The following IL1RAPL1 variants were observed in gnomAD, a reference collection of about 807,000 sequenced individuals.
The protein encoded by IL1RAPL1 is interleukin 1 receptor accessory protein like 1, also known as interleukin-1 receptor accessory protein-like 1.
In IL1RAPL1, 3 loss-of-function variants were observed where a neutral mutation model predicts 48.4. The ratio of observed to expected loss-of-function variants is 0.06; its 90% CI spans 0.03 to 0.16. The LOEUF is 0.16. Among genes scored for constraint, IL1RAPL1 ranks in the 10% least tolerant of loss-of-function variants. The pLI, the probability that IL1RAPL1 is intolerant of heterozygous loss-of-function variation, is 1.00. For synonymous variants in IL1RAPL1, 185 were observed against 187.7 expected, an observed-to-expected ratio of 0.99 and a Z score of 0.12; for missense variants, 349 against 530.6, an observed-to-expected ratio of 0.66 and a Z score of 3.36.
intron 2 of IL1RAPL1, among the ~76,000 whole-genome samples, chrX:29,265,841 T>C (rs1265902671): frequency 4.6e-5 from 5 of 109,889 alleles, no homozygotes; most frequent in Non-Finnish European, 7.6e-5. Context: ...ATGGTGTATA[T>C]GTGCCACCAT....
intron 5 of IL1RAPL1, among the ~76,000 whole-genome samples, chrX:29,614,931 T>C (rs1248669510): frequency 9.5e-6 from 1 of 105,665 alleles, no homozygotes; most frequent in Non-Finnish European, 1.9e-5. Flanking sequence ...CTGCACTCCA[T>C]CCAGCCTGAG....
intron 2 of IL1RAPL1, among the ~76,000 whole-genome samples, chrX:28,914,679 G>T (rs1208352702): frequency 1.8e-5 from 2 of 111,570 alleles, no homozygotes; most frequent in African/African-American, 6.5e-5. Context: ...AAAACACTTT[G>T]CAAATACTGA....
chrX:29,128,322 T>C (rs1217240992), intron 2 of IL1RAPL1, among the ~76,000 whole-genome samples: 1 of 111,151 alleles, frequency 9.0e-6, no homozygotes, highest in Non-Finnish European at 1.9e-5. Context: ...TCTCCTCCTT[T>C]CCCAGCCTCA....
intron 3 of IL1RAPL1, among the ~76,000 whole-genome samples, chrX:29,381,926 C>A (rs1487458394): frequency 9.8e-6 from 1 of 102,411 alleles, no homozygotes; most frequent in African/African-American, 3.7e-5. Context: ...ACATCAGTAA[C>A]CACAAAGTCA....
intron 6 of IL1RAPL1, among the ~76,000 whole-genome samples, chrX:29,877,187 A>G (rs767278629): frequency 8.9e-6 from 1 of 111,899 alleles, no homozygotes; most frequent in South Asian, 3.7e-4. Context: ...GTAAATCTCC[A>G]TTAGCTTGAT....
In IL1RAPL1 at chrX:28,744,961, C is replaced by T. The variant is rs968815831; in HGVS notation, c.-24-44359C>T. Among the ~76,000 whole-genome samples the T allele has an allele frequency of 3.6e-5, 4 of 110,971 alleles. No individual in the cohort carries two copies. In the East Asian group the frequency reaches 8.6e-4, roughly 24 times the overall value. On this transcript the variant is annotated intron_variant, in intron 1 of 10. Transcript: ENST00000378993. ...CTTACTAGAAAATTAAACCTGGATG[C>T]TTCTTGGAAAGGATCAGAGTGCCAG...
intron 6 of IL1RAPL1, among the ~76,000 whole-genome samples, chrX:29,736,811 T>A (rs1327025918): frequency 2.7e-5 from 3 of 112,468 alleles, no homozygotes; most frequent in Non-Finnish European, 3.8e-5. Context: ...ATGAAATTGC[T>A]AAGTAGACTG....
At chrX:29,381,830 AAAAAT>A (rs1252941098) in intron 3 of IL1RAPL1, among the ~76,000 whole-genome samples, 35 of 32,597 alleles carry the variant, frequency 1.1e-3, no homozygotes, top group African/African-American at 2.6e-3. Context: ...AAAAAAAAAA[AAAAAT>A]ATATATATAT....
chrX:29,062,411 G>C lies in IL1RAPL1; in HGVS notation c.83-220527G>C, dbSNP rs773517562. Among the ~76,000 whole-genome samples, 54 of 112,465 alleles carry C rather than the reference G, an allele frequency of 4.8e-4. 1 individual carries two copies. The highest frequency in any genetic ancestry group is 1.9e-4 in the Admixed American group (2 of 10,618). ...ATAAATCAGTTAAGGAGTAATACAA[G>C]ATGTTATGCAAATAAGCACTAAAGT... is the stretch of plus-strand genomic sequence containing the variant. On this transcript the variant is annotated intron_variant, in intron 2 of 10. Coordinates refer to ENST00000378993, the MANE Select transcript of IL1RAPL1 (RefSeq NM_014271.4).
intron 2 of IL1RAPL1, among the ~76,000 whole-genome samples, chrX:28,969,215 C>T (rs1262893680): frequency 8.9e-6 from 1 of 111,894 alleles, no homozygotes; most frequent in African/African-American, 3.2e-5. Flanking sequence ...AAAAGGATTT[C>T]CAAGCTGGGG....
intron 2 of IL1RAPL1, among the ~76,000 whole-genome samples, chrX:29,169,693 CTCTTTGT>C (rs1188963663): frequency 9.0e-6 from 1 of 110,790 alleles, no homozygotes. Flanking sequence ...ACTACCAAAT[CTCTTTGT>C]TATTTGGAAA....
At chrX:28,779,242 C>G (rs1183711884) in intron 1 of IL1RAPL1, among the ~76,000 whole-genome samples, 1 of 110,769 alleles carries the variant, frequency 9.0e-6, no homozygotes, top group Non-Finnish European at 1.9e-5. Context: ...TTTTTAATGA[C>G]CTTGATTGAA....
intron 2 of IL1RAPL1, among the ~76,000 whole-genome samples, chrX:28,910,258 A>T (rs940587436): frequency 9.0e-6 from 1 of 111,395 alleles, no homozygotes; most frequent in East Asian, 2.8e-4. Flanking sequence ...AGAATCACTG[A>T]TAACTTTTGC....
chrX:28,631,483 C>T (rs1037452418), intron 1 of IL1RAPL1, among the ~76,000 whole-genome samples: 1 of 111,866 alleles, frequency 8.9e-6, no homozygotes, highest in Non-Finnish European at 1.9e-5. Flanking sequence ...GTAAAGGGTA[C>T]CAGGAGAGCA....
intron 5 of IL1RAPL1, among the ~76,000 whole-genome samples, chrX:29,540,856 T>G (rs1921415734): frequency 1.8e-5 from 2 of 112,102 alleles, no homozygotes; most frequent in South Asian, 7.4e-4. Context: ...AACACCATTC[T>G]GGACATTGGC....
intron 6 of IL1RAPL1, among the ~76,000 whole-genome samples, chrX:29,906,495 ATATATATATATATATATATATATAT>A (rs1341544970): frequency 4.4e-4 from 19 of 42,771 alleles, no homozygotes; most frequent in Non-Finnish European, 5.9e-4. Flanking sequence ...ATATATATAT[ATATATATATATATATATATATATAT>A]ATTTCTGTAG....
intron 9 of IL1RAPL1, among the ~76,000 whole-genome samples, chrX:29,942,067 G>T (rs1003279346): frequency 8.9e-6 from 1 of 112,016 alleles, no homozygotes; most frequent in Non-Finnish European, 1.9e-5. Flanking sequence ...TGATTGCAAT[G>T]CCATCAGAGT....
intron 5 of IL1RAPL1, among the ~76,000 whole-genome samples, chrX:29,497,593 T>C (rs1284701510): frequency 9.0e-6 from 1 of 111,589 alleles, no homozygotes; most frequent in Non-Finnish European, 1.9e-5. Context: ...TAACTTGAAT[T>C]CATTTTCAGT....
intron 2 of IL1RAPL1, among the ~76,000 whole-genome samples, chrX:28,810,405 C>T (rs747111286): frequency 3.8e-4 from 42 of 110,290 alleles, no homozygotes; most frequent in Admixed American, 2.2e-3. Flanking sequence ...TTCAATAATA[C>T]GTAATTAAAT....
Sources: allele counts gnomAD v4.1 joint callset (sites outside exome capture counted in the v4.1 genomes callset), GRCh38; gene constraint gnomAD v4.1.1; transcripts MANE v1.5; gene names NCBI Gene and HGNC (gene_info 2026-07-23, HGNC 2026-07-21).